The following BCHE variants were observed in gnomAD, a reference collection of about 807,000 sequenced individuals.
BCHE encodes the protein butyrylcholinesterase.
In BCHE, 48 loss-of-function variants were observed where a neutral mutation model predicts 51.3. The observed-to-expected ratio is 0.94, with a 90% CI of 0.74 to 1.19. BCHE has a LOEUF of 1.19. BCHE is among the 50% of genes most tolerant of loss of function. BCHE has a pLI of 0.00. For missense variants in BCHE, 847 were observed against 708.2 expected (o/e 1.20, Z -2.23); for synonymous variants, 251 against 238.0 (o/e 1.05, Z -0.50).
In BCHE at chr3:165,830,581, T is replaced by C. The variant is rs772770904; in HGVS notation, c.453A>G (p.Ser151=). 8 of 1,613,978 alleles carry C rather than the reference T, an allele frequency of 5.0e-6. No homozygotes were observed. The highest frequency in any genetic ancestry group is 6.8e-6 in the Non-Finnish European group (8 of 1,179,946). The part of the protein sequence containing the change: ...IYGGGFQTGT[S]SLHVYDGKFL... ...ACTTGCCATCATAAACATGTAAAGA[T>C]GATGTTCCAGTTTGAAAACCACCAC... The change falls in exon 2 of 4, where the codon TCA becomes TCG. Residue 151 remains serine (S), a synonymous_variant. Coordinates refer to ENST00000264381, the MANE Select transcript of BCHE (RefSeq NM_000055.4).
chr3:165,812,890 C>G (rs957843266), intron 2 of BCHE, among the ~76,000 whole-genome samples: 7 of 151,906 alleles, frequency 4.6e-5, no homozygotes, highest in Admixed American at 3.3e-4. Context: ...GCAGTTTACA[C>G]CAGCATTAGT....
chr3:165,831,932 T>C (rs537099807), intron 1 of BCHE, among the ~76,000 whole-genome samples: 186 of 152,318 alleles, frequency 1.2e-3, no homozygotes, highest in Non-Finnish European at 1.8e-3. Context: ...ATATTTGTTA[T>C]AGCAATTTGT....
chr3:165,824,423 G>T (rs1714644660), intron 2 of BCHE, among the ~76,000 whole-genome samples: 1 of 151,938 alleles, frequency 6.6e-6, no homozygotes, highest in South Asian at 2.1e-4. Flanking sequence ...TCCTAAATTT[G>T]ACGAAGGGCA....
At chr3:165,800,772 A>T (rs1311283348) in intron 2 of BCHE, among the ~76,000 whole-genome samples, 1 of 152,128 alleles carries the variant, frequency 6.6e-6, no homozygotes, top group South Asian at 2.1e-4. Flanking sequence ...TCAATAATTG[A>T]ATTTTATTGC....
At chr3:165,803,965 G>C (rs1272588230) in intron 2 of BCHE, among the ~76,000 whole-genome samples, 1 of 151,968 alleles carries the variant, frequency 6.6e-6, no homozygotes, top group Admixed American at 6.6e-5. Context: ...ACAGGAAAGA[G>C]TGGTCCAAGG....
chr3:165,773,570 A>G, intron 3 of BCHE, 64 bp from the exon 4 acceptor site: 1 of 1,448,796 alleles, frequency 6.9e-7, no homozygotes, highest in Non-Finnish European at 9.6e-7. Flanking sequence ...CTGAAAAATA[A>G]TTTCGAATAC....
At chr3:165,789,400 A>G (rs1344958595) in intron 2 of BCHE, among the ~76,000 whole-genome samples, 1 of 152,100 alleles carries the variant, frequency 6.6e-6, no homozygotes, top group African/African-American at 2.4e-5. Flanking sequence ...TGAACAGATT[A>G]AAGAAAAAGA....
intron 2 of BCHE, among the ~76,000 whole-genome samples, chr3:165,794,151 T>A (rs1713277974): frequency 6.6e-6 from 1 of 152,184 alleles, no homozygotes; most frequent in Admixed American, 6.5e-5. Context: ...ATCCACTGAA[T>A]TTTATTACAG....
chr3:165,784,110 T>A (rs1258776296), intron 3 of BCHE, among the ~76,000 whole-genome samples: 2 of 151,974 alleles, frequency 1.3e-5, no homozygotes, highest in Non-Finnish European at 2.9e-5. Context: ...AAATTTTTCT[T>A]TAGGTATAAA....
At chr3:165,807,423 G>C (rs1489368529) in intron 2 of BCHE, among the ~76,000 whole-genome samples, 1 of 151,692 alleles carries the variant, frequency 6.6e-6, no homozygotes, top group Non-Finnish European at 1.5e-5. Context: ...CTAAAACATA[G>C]TTGTTTTCAA....
intron 2 of BCHE, among the ~76,000 whole-genome samples, chr3:165,823,255 T>G (rs188388175): frequency 2.0e-4 from 30 of 152,250 alleles, no homozygotes; most frequent in Admixed American, 1.8e-3. Context: ...TTTAAAAATC[T>G]TGTATCTCTT....
At chr3:165,816,502 G>T (rs1185588332) in intron 2 of BCHE, among the ~76,000 whole-genome samples, 1 of 151,848 alleles carries the variant, frequency 6.6e-6, no homozygotes, top group Non-Finnish European at 1.5e-5. Context: ...TGAAAGAGTT[G>T]CCTCAAATTG....
chr3:165,811,085 T>C (rs1359386613), intron 2 of BCHE, among the ~76,000 whole-genome samples: 4 of 152,166 alleles, frequency 2.6e-5, no homozygotes, highest in African/African-American at 9.6e-5. Context: ...GAAATCTTTA[T>C]TTTAAAAAAT....
At chr3:165,811,844 G>A (rs1309396658) in intron 2 of BCHE, among the ~76,000 whole-genome samples, 2 of 151,952 alleles carry the variant, frequency 1.3e-5, no homozygotes, top group African/African-American at 4.8e-5. Context: ...GAGTGACAAG[G>A]TAGCTAGGTG....
chr3:165,800,706 T>A (rs1178594097), intron 2 of BCHE, among the ~76,000 whole-genome samples: 1 of 152,090 alleles, frequency 6.6e-6, no homozygotes, highest in African/African-American at 2.4e-5. Context: ...GTTGATTTTT[T>A]AAAAATCCAC....
At chr3:165,811,286 T>G (rs1182076135) in intron 2 of BCHE, among the ~76,000 whole-genome samples, 1 of 152,100 alleles carries the variant, frequency 6.6e-6, no homozygotes, top group Non-Finnish European at 1.5e-5. Flanking sequence ...TCTCTACATA[T>G]GCAGGTGCAT....
chr3:165,786,163 T>C lies in BCHE; in HGVS notation c.1666A>G (p.Lys556Glu), dbSNP rs1461527050. ...QCRFWTSFFP[K>E]VLEMTGNIDE... ...GACACACCTGTCATTTCCAAGACTTTTGGAAAAAATGATGTCCAGAATCGA... is the reference window on the plus strand; with the variant it reads ...GACACACCTGTCATTTCCAAGACTTCTGGAAAAAATGATGTCCAGAATCGA... Residue 556 changes from lysine (K) to glutamate (E), a missense_variant, in exon 3 of 4, where the codon AAA (lysine) becomes GAA (glutamate). Transcript: ENST00000264381. 1.9e-6 allele frequency: 3 copies of C among 1,611,828 alleles called. No homozygotes were observed. Among genetic ancestry groups the C allele is most frequent in the South Asian group, 1.1e-5 (1 of 91,046 alleles).
intron 2 of BCHE, among the ~76,000 whole-genome samples, chr3:165,813,165 G>T (rs531744837): frequency 4.0e-5 from 6 of 151,798 alleles, no homozygotes; most frequent in Non-Finnish European, 8.8e-5. Flanking sequence ...AATAAACAGT[G>T]CTCTGAATCA....
intron 1 of BCHE, among the ~76,000 whole-genome samples, chr3:165,833,706 T>C (rs1178079402): frequency 6.6e-6 from 1 of 152,160 alleles, no homozygotes; most frequent in Non-Finnish European, 1.5e-5. Flanking sequence ...TCAGTTCTTT[T>C]TTCTTTCTGA....
Sources: gnomAD v4.1 joint callset for allele counts (sites outside exome capture counted in the v4.1 genomes callset) on GRCh38, gnomAD v4.1.1 for gene constraint, MANE v1.5 for transcripts, NCBI Gene and HGNC (gene_info 2026-07-23, HGNC 2026-07-21) for gene names.